The following DPYS variants were observed in gnomAD, a reference collection of about 807,000 sequenced individuals.
DPYS encodes dihydropyrimidine amidohydrolase.
A neutral mutation model predicts 50.3 loss-of-function variants in DPYS; 39 were observed. The ratio of observed to expected loss-of-function variants is 0.78; its 90% CI spans 0.60 to 1.01. DPYS has a LOEUF of 1.01. DPYS is among the 50% of genes least tolerant of loss of function. The probability of loss-of-function intolerance (pLI) is 0.00; values close to 1 mark genes in which losing one functional copy is unlikely to be tolerated. For missense variants in DPYS, 659 were observed against 680.9 expected, an observed-to-expected ratio of 0.97 and a Z score of 0.36; for synonymous variants, 245 against 250.7, an observed-to-expected ratio of 0.98 and a Z score of 0.22.
chr8:104,421,306 T>C (rs1389405262), intron 7 of DPYS: 1 of 152,190 alleles, frequency 6.6e-6, no homozygotes, highest in Non-Finnish European at 1.5e-5. Flanking sequence ...TGATAAATAA[T>C]GTCCTTCATA....
chr8:104,434,032 T>C (rs777900650), intron 4 of DPYS, among the ~76,000 whole-genome samples: 1 of 152,062 alleles, frequency 6.6e-6, no homozygotes, highest in Non-Finnish European at 1.5e-5. Context: ...GTGCCCAAGG[T>C]GGTTGGGGCA....
At chr8:104,412,503 G>A (rs759214898) in intron 7 of DPYS, among the ~76,000 whole-genome samples, 3 of 152,172 alleles carry the variant, frequency 2.0e-5, no homozygotes, top group Non-Finnish European at 4.4e-5. Flanking sequence ...GATGAAATAC[G>A]TGCAGACTCA....
At chr8:104,440,196 G>T (rs536966762) in intron 4 of DPYS, among the ~76,000 whole-genome samples, 3 of 152,080 alleles carry the variant, frequency 2.0e-5, no homozygotes, top group Non-Finnish European at 4.4e-5. Flanking sequence ...TTACTATCCC[G>T]CTCTTCTGGA....
chr8:104,423,767 C>T (rs1001266222), intron 7 of DPYS, among the ~76,000 whole-genome samples: 9 of 152,130 alleles, frequency 5.9e-5, no homozygotes, highest in African/African-American at 2.2e-4. Context: ...AAACAAAAAG[C>T]TGGAATCTAC....
intron 7 of DPYS, 164 bp downstream of exon 7, chr8:104,424,083 T>C (rs1812639572): frequency 1.0e-6 from 1 of 979,410 alleles, no homozygotes; most frequent in African/African-American, 1.8e-5. Context: ...AAAGGAATAT[T>C]TGCACATCAA....
intron 4 of DPYS, 53 bp from the exon 5 acceptor site, chr8:104,429,754 C>A: frequency 8.1e-6 from 13 of 1,606,366 alleles, no homozygotes; most frequent in Non-Finnish European, 1.0e-5. Context: ...TTAAGAGGAC[C>A]ATATGACAAA....
intron 7 of DPYS, among the ~76,000 whole-genome samples, chr8:104,403,080 T>C (rs1251053043): frequency 2.0e-5 from 3 of 152,162 alleles, no homozygotes; most frequent in Non-Finnish European, 4.4e-5. Flanking sequence ...TATTAAATCT[T>C]GCAACTGCAC....
chr8:104,390,308 A>C (rs1280520486), intron 8 of DPYS, among the ~76,000 whole-genome samples: 1 of 152,152 alleles, frequency 6.6e-6, no homozygotes, highest in African/African-American at 2.4e-5. Context: ...AGACTTTACA[A>C]AACAAACGCT....
At chr8:104,399,120 G>C (rs930591622) in intron 7 of DPYS, among the ~76,000 whole-genome samples, 9 of 151,770 alleles carry the variant, frequency 5.9e-5, no homozygotes, top group Admixed American at 5.9e-4. Context: ...GTGAAACCCT[G>C]TCTCTACTAA....
chr8:104,414,463 G>C (rs1248799039), intron 7 of DPYS, among the ~76,000 whole-genome samples: 1 of 151,980 alleles, frequency 6.6e-6, no homozygotes, highest in African/African-American at 2.4e-5. Flanking sequence ...TGTTGATGTT[G>C]CTAGTCCAGA....
chr8:104,387,091 A>G (rs1354243675), intron 8 of DPYS, among the ~76,000 whole-genome samples: 1 of 152,178 alleles, frequency 6.6e-6, no homozygotes, highest in Non-Finnish European at 1.5e-5. Context: ...AGCAGACCAA[A>G]TGAACAGTGA....
chr8:104,442,567 G>T (rs1038146977), intron 4 of DPYS, among the ~76,000 whole-genome samples: 1 of 152,120 alleles, frequency 6.6e-6, no homozygotes, highest in Non-Finnish European at 1.5e-5. Flanking sequence ...TTTTTAAGGG[G>T]CGAAATTCTT....
chr8:104,466,902 G>C lies in DPYS; in HGVS notation c.19C>G (p.Leu7Val), dbSNP rs57732538. ...ACCACGCGACCCCCGCGGATCAGGA[G>C]CCGCGAGGGCGCCGCCATAGCGAGG... MAAPSRLLIRGGRVVND... is the reference protein window; with the variant it reads MAAPSRVLIRGGRVVND... Residue 7 changes from leucine to valine, a missense_variant, in exon 1 of 10, where the codon CTC becomes GTC. Physicochemically the swap from Leu to Val is conservative, Grantham distance 32. Transcript: ENST00000351513. The C allele has an allele frequency of 2.2e-3, 3,377 of 1,502,416 alleles. 54 individuals carry two copies. In the African/African-American group the frequency reaches 0.043, roughly 19 times the overall value. 93.1% of individuals were successfully genotyped at this position (1,502,416 alleles called of 1,614,324 possible).
chr8:104,435,640 A>G (rs974481324), intron 4 of DPYS, among the ~76,000 whole-genome samples: 2 of 152,078 alleles, frequency 1.3e-5, no homozygotes, highest in Non-Finnish European at 1.5e-5. Flanking sequence ...CTTGGACTTG[A>G]AAGTTTTCTT....
intron 3 of DPYS, 152 bp downstream of exon 3, chr8:104,447,172 C>T (rs930105599): frequency 7.1e-5 from 70 of 988,874 alleles, no homozygotes; most frequent in Middle Eastern, 2.3e-4. Flanking sequence ...TTCTGAGCCA[C>T]AGAAAATCCG....
intron 7 of DPYS, among the ~76,000 whole-genome samples, chr8:104,399,377 C>T (rs1000453964): frequency 1.3e-4 from 19 of 149,852 alleles, no homozygotes; most frequent in African/African-American, 3.4e-4. Context: ...TGGACTAATA[C>T]GCTATTGTCA....
chr8:104,401,429 A>G (rs1202509493), intron 7 of DPYS, among the ~76,000 whole-genome samples: 1 of 152,068 alleles, frequency 6.6e-6, no homozygotes, highest in Non-Finnish European at 1.5e-5. Flanking sequence ...TAAATATGAC[A>G]TATGAGATAA....
At chr8:104,383,319 G>C (rs1319249531) in intron 8 of DPYS, among the ~76,000 whole-genome samples, 1 of 152,014 alleles carries the variant, frequency 6.6e-6, no homozygotes, top group African/African-American at 2.4e-5. Flanking sequence ...AGGAAGCTTT[G>C]GCCCTCTGTC....
chr8:104,457,529 T>C (rs1224196635), intron 1 of DPYS, among the ~76,000 whole-genome samples: 1 of 152,316 alleles, frequency 6.6e-6, no homozygotes, highest in African/African-American at 2.4e-5. Context: ...CCTTTTATGG[T>C]GCCACCAAAT....
Sources: allele counts gnomAD v4.1 joint callset (sites outside exome capture counted in the v4.1 genomes callset), GRCh38; gene constraint gnomAD v4.1.1; transcripts MANE v1.5; gene names NCBI Gene and HGNC (gene_info 2026-07-23, HGNC 2026-07-21).